Variants in DGKB observed in about 807,000 individuals in gnomAD.
DGKB encodes the protein diacylglycerol kinase beta, also known as 90 kDa diacylglycerol kinase.
In DGKB, 67 loss-of-function variants were observed where a neutral mutation model predicts 114.3. That is an observed-to-expected ratio of 0.59 (90% CI 0.48 to 0.72). DGKB has a LOEUF of 0.72. Among genes scored for constraint, DGKB ranks in the 30% least tolerant of loss-of-function variants. DGKB has a pLI of 0.00. For missense variants in DGKB, 907 were observed against 975.2 expected (o/e 0.93, Z 0.93); for synonymous variants, 398 against 323.1 (o/e 1.23, Z -2.49).
At chr7:14,503,976 T>C (rs545404907) in intron 20 of DGKB, among the ~76,000 whole-genome samples, 1 of 152,236 alleles carries the variant, frequency 6.6e-6, no homozygotes, top group East Asian at 1.9e-4. Context: ...AAAATGAAAA[T>C]GTACTGTGTA....
chr7:14,196,180 A>G (rs1040514112), intron 23 of DGKB, among the ~76,000 whole-genome samples: 2 of 152,088 alleles, frequency 1.3e-5, no homozygotes, highest in African/African-American at 4.8e-5. Flanking sequence ...TTAATGCAGG[A>G]CTAAGGACCC....
chr7:14,478,405 A>C (rs1782510509), intron 20 of DGKB, among the ~76,000 whole-genome samples, 180 bp from the exon 21 acceptor site: 1 of 152,060 alleles, frequency 6.6e-6, no homozygotes, highest in Admixed American at 6.6e-5. Context: ...TGATTTATGT[A>C]ATTCTATGCA....
chr7:14,573,778 A>T (rs182373228), intron 20 of DGKB, among the ~76,000 whole-genome samples: 13,799 of 81,296 alleles, frequency 0.17, 924 homozygotes, highest in East Asian at 0.46. Flanking sequence ...TTTTTTGTAG[A>T]CTTTTCATAG....
intron 20 of DGKB, among the ~76,000 whole-genome samples, chr7:14,541,474 A>G (rs1563452789): frequency 6.6e-6 from 1 of 152,222 alleles, no homozygotes; most frequent in African/African-American, 2.4e-5. Context: ...TCATAAACAG[A>G]TAAAATATCA....
At chr7:14,627,352 A>C (rs908242685) in intron 14 of DGKB, among the ~76,000 whole-genome samples, 2 of 152,140 alleles carry the variant, frequency 1.3e-5, no homozygotes, top group Non-Finnish European at 2.9e-5. Context: ...TTGAAGGTAC[A>C]CTTGGTGACT....
At chr7:14,640,957 G>T (rs1387863243) in intron 13 of DGKB, among the ~76,000 whole-genome samples, 1 of 152,144 alleles carries the variant, frequency 6.6e-6, no homozygotes, top group Non-Finnish European at 1.5e-5. Flanking sequence ...TAAAGCATTT[G>T]TCTCTACTCT....
intron 13 of DGKB, among the ~76,000 whole-genome samples, chr7:14,647,617 A>G (rs1813322480): frequency 1.0e-5 from 1 of 97,836 alleles, no homozygotes; most frequent in Non-Finnish European, 2.3e-5. Flanking sequence ...CATCACATCA[A>G]AAAGATAATT....
At chr7:14,941,883 A>G (rs1785589336) in intron 1 of DGKB, among the ~76,000 whole-genome samples, 1 of 152,098 alleles carries the variant, frequency 6.6e-6, no homozygotes, top group African/African-American at 2.4e-5. Context: ...ATATTAAATC[A>G]TTACTTTTCA....
chr7:14,415,410 T>TCC (rs542289290), intron 21 of DGKB, among the ~76,000 whole-genome samples: 37,772 of 148,126 alleles, frequency 0.25, 5,210 homozygotes, highest in East Asian at 0.46. Flanking sequence ...CCTAATGCTA[T>TCC]CCCTCCCCAC....
At chr7:14,206,439 T>C (rs1786832183) in intron 23 of DGKB, among the ~76,000 whole-genome samples, 1 of 152,026 alleles carries the variant, frequency 6.6e-6, no homozygotes, top group African/African-American at 2.4e-5. Context: ...TGAAATCTAG[T>C]GCTTAAATCT....
chr7:14,191,005 A>G lies in DGKB; in HGVS notation c.2123-12854T>C, dbSNP rs539509903. The G allele has an allele frequency of 1.1e-3, 175 of 154,818 alleles. 1 individual carries two copies. Among genetic ancestry groups the G allele is most frequent in the African/African-American group, 4.0e-3 (165 of 41,636 alleles). 9.6% of individuals were successfully genotyped at this position (154,818 alleles called of 1,614,324 possible). A position where few individuals can be genotyped will look rare whatever the true frequency, so the allele number is the denominator to read the frequency against. On this transcript the variant is annotated intron_variant, in intron 23 of 25. Coordinates refer to ENST00000402815, the MANE Select transcript of DGKB (RefSeq NM_001350709.2). The stretch of plus-strand genomic sequence containing the variant: ...GATAAACTGAAAGCCGAACCTGAAC[A>G]TGGTATCACCATTGATACCCTGTGG...
At chr7:14,669,261 C>T (rs1276817221) in intron 13 of DGKB, among the ~76,000 whole-genome samples, 1 of 152,158 alleles carries the variant, frequency 6.6e-6, no homozygotes, top group Non-Finnish European at 1.5e-5. Flanking sequence ...CTAATGGCTT[C>T]CTATTTTATT....
intron 6 of DGKB, among the ~76,000 whole-genome samples, chr7:14,712,704 A>T (rs1054649975): frequency 1.3e-5 from 2 of 151,964 alleles, no homozygotes; most frequent in African/African-American, 4.8e-5. Flanking sequence ...AAAGAAAAAT[A>T]ATTAAGTAAG....
intron 23 of DGKB, among the ~76,000 whole-genome samples, chr7:14,194,939 T>C (rs1396744783): frequency 6.6e-6 from 1 of 152,122 alleles, no homozygotes; most frequent in African/African-American, 2.4e-5. Context: ...CAAGTCACTG[T>C]GTTATAGTGT....
intron 25 of DGKB, among the ~76,000 whole-genome samples, chr7:14,150,219 G>A (rs1441523529): frequency 6.6e-6 from 1 of 152,022 alleles, no homozygotes; most frequent in South Asian, 2.1e-4. Flanking sequence ...AAGAACCATC[G>A]CTTATTAAAT....
At chr7:14,432,646 T>C (rs557110488) in intron 21 of DGKB, among the ~76,000 whole-genome samples, 1 of 152,320 alleles carries the variant, frequency 6.6e-6, no homozygotes, top group African/African-American at 2.4e-5. Context: ...AGACAGGAAT[T>C]GATCTCTAAG....
intron 16 of DGKB, among the ~76,000 whole-genome samples, chr7:14,611,273 C>T (rs572578367): frequency 2.8e-4 from 43 of 152,240 alleles, no homozygotes; most frequent in African/African-American, 9.6e-4. Flanking sequence ...GTCCCTGCCT[C>T]TCTGCACGAC....
At chr7:14,177,787 C>T (rs1355117585) in intron 24 of DGKB, among the ~76,000 whole-genome samples, 1 of 151,980 alleles carries the variant, frequency 6.6e-6, no homozygotes, top group Admixed American at 6.6e-5. Context: ...TGTTTGAATT[C>T]GTGCATCAAT....
At chr7:14,570,251 G>A (rs1798175458) in intron 20 of DGKB, among the ~76,000 whole-genome samples, 1 of 151,820 alleles carries the variant, frequency 6.6e-6, no homozygotes, top group African/African-American at 2.4e-5. Context: ...GCAGCTTTCA[G>A]TTTTGCTAAC....
Sources: allele counts gnomAD v4.1 joint callset (sites outside exome capture counted in the v4.1 genomes callset), GRCh38; gene constraint gnomAD v4.1.1; transcripts MANE v1.5; gene names NCBI Gene and HGNC (gene_info 2026-07-23, HGNC 2026-07-21).